The following MCTP1 variants were observed in gnomAD, a reference collection of about 807,000 sequenced individuals.
The protein encoded by MCTP1 is multiple C2 and transmembrane domain containing 1.
In MCTP1, 69 loss-of-function variants were observed where a neutral mutation model predicts 120.6. That is an observed-to-expected ratio of 0.57 (90% confidence interval 0.47 to 0.70). MCTP1 has a LOEUF of 0.70. Ranked by LOEUF, MCTP1 falls within the 30% of genes least tolerant of loss-of-function variation. MCTP1 has a pLI of 0.00. For missense variants in MCTP1, 1,203 were observed against 1,248.8 expected (o/e 0.96, Z 0.55); for synonymous variants, 529 against 493.1 (o/e 1.07, Z -0.96).
intron 5 of MCTP1, among the ~76,000 whole-genome samples, chr5:94,933,162 G>C (rs967232034): frequency 6.6e-6 from 1 of 151,568 alleles, no homozygotes; most frequent in African/African-American, 2.4e-5. Flanking sequence ...GATTTCCTAA[G>C]GTTACAATGA....
chr5:95,252,522 A>T (rs1371236228), intron 1 of MCTP1, among the ~76,000 whole-genome samples: 1 of 152,160 alleles, frequency 6.6e-6, no homozygotes, highest in African/African-American at 2.4e-5. Flanking sequence ...AAATGCTCTA[A>T]GAAAAGGGAA....
intron 10 of MCTP1, among the ~76,000 whole-genome samples, chr5:94,900,616 C>A (rs1441268997): frequency 1.3e-5 from 2 of 152,244 alleles, no homozygotes; most frequent in African/African-American, 4.8e-5. Context: ...GGAGATTCAG[C>A]CCCTTCTAAA....
At chr5:95,218,695 T>C (rs910776553) in intron 1 of MCTP1, among the ~76,000 whole-genome samples, 60 of 152,178 alleles carry the variant, frequency 3.9e-4, no homozygotes, top group African/African-American at 1.4e-3. Flanking sequence ...AGAAATGCAT[T>C]GTGGGTGATT....
Position 95,061,408 on chromosome 5 carries a change from GTT to G in MCTP1, c.721-43926_721-43925del, listed in dbSNP as rs556663513. Among the ~76,000 whole-genome samples the G allele has an allele frequency of 2.4e-4, 8 of 33,488 alleles. 1 individual carries two copies. Among genetic ancestry groups the G allele is most frequent in the African/African-American group, 6.9e-4 (7 of 10,190 alleles). 22.0% of individuals were successfully genotyped at this position (33,488 alleles called of 152,430 possible). A position where few individuals can be genotyped will look rare whatever the true frequency, so the allele number is the denominator to read the frequency against. On this transcript the variant is annotated intron_variant, in intron 1 of 22. Coordinates refer to ENST00000515393, the MANE Select transcript of MCTP1 (RefSeq NM_024717.7). ...ATCAATTTTCACAAACCCCTTAAGG[GTT>G]TTTTTTTTTTTTTTTTTTTTTTTTT...
rs114784364 is a variant in MCTP1, at chr5:94,942,470, A to G, written c.982-43T>C. ...AAAAGCCTTGTTATAAATATCTCCAATATAAGCTTTATGTGATAATGTCTT... is the reference window on the plus strand; with the variant it reads ...AAAAGCCTTGTTATAAATATCTCCAGTATAAGCTTTATGTGATAATGTCTT... On this transcript the variant is annotated intron_variant, in intron 3 of 22. Coordinates refer to ENST00000515393, the MANE Select transcript of MCTP1 (RefSeq NM_024717.7). 379 of 1,380,760 alleles carry G rather than the reference A, an allele frequency of 2.7e-4. 1 individual carries two copies. In the African/African-American group the frequency reaches 5.0e-3, roughly 18 times the overall value. The allele number at this position is 1,380,760 out of a possible 1,614,324, so 85.5% of individuals were successfully genotyped here.
chr5:95,200,219 G>GA, intron 1 of MCTP1, among the ~76,000 whole-genome samples: 1 of 151,530 alleles, frequency 6.6e-6, no homozygotes, highest in African/African-American at 2.4e-5. Context: ...AGGATGTGAA[G>GA]AAAAGGGAAC....
At chr5:95,147,324 G>T (rs1006452662) in intron 1 of MCTP1, among the ~76,000 whole-genome samples, 4 of 152,142 alleles carry the variant, frequency 2.6e-5, no homozygotes, top group Non-Finnish European at 5.9e-5. Flanking sequence ...CTGACCTCGT[G>T]ATCCACCTGC....
At chr5:94,718,464 C>T (rs951735877) in intron 19 of MCTP1, among the ~76,000 whole-genome samples, 3 of 152,120 alleles carry the variant, frequency 2.0e-5, no homozygotes, top group Admixed American at 1.3e-4. Flanking sequence ...ATGACAAAAA[C>T]TTCTAAAGCG....
chr5:94,809,610 G>A (rs114398468), intron 17 of MCTP1, among the ~76,000 whole-genome samples: 3,799 of 152,098 alleles, frequency 0.025, 171 homozygotes, highest in African/African-American at 0.088. Context: ...TAACAGCTTT[G>A]TAATTCACAG....
chr5:94,889,102 TAA>T, intron 11 of MCTP1, 130 bp from the exon 12 acceptor site: 1 of 564,722 alleles, frequency 1.8e-6, no homozygotes, highest in African/African-American at 1.9e-5. Context: ...TTAAACTAAC[TAA>T]TTTTTTTTTT....
chr5:95,023,185 G>A (rs542055558), intron 1 of MCTP1, among the ~76,000 whole-genome samples: 1 of 152,108 alleles, frequency 6.6e-6, no homozygotes, highest in Non-Finnish European at 1.5e-5. Context: ...ATAGAACCAG[G>A]CTCCAGTGAA....
At chr5:94,980,580 A>G (rs2153595234) in intron 2 of MCTP1, among the ~76,000 whole-genome samples, 1 of 152,266 alleles carries the variant, frequency 6.6e-6, no homozygotes, top group African/African-American at 2.4e-5. Flanking sequence ...ATGTTTAAAG[A>G]GCTAATCTTC....
At chr5:94,847,919 C>G (rs1171500673) in intron 17 of MCTP1, among the ~76,000 whole-genome samples, 2 of 152,002 alleles carry the variant, frequency 1.3e-5, no homozygotes, top group African/African-American at 4.8e-5. Context: ...TTCCACTCTT[C>G]TGTTTTCATC....
At chr5:94,736,024 T>C (rs1258659158) in intron 19 of MCTP1, among the ~76,000 whole-genome samples, 1 of 152,208 alleles carries the variant, frequency 6.6e-6, no homozygotes, top group Admixed American at 6.5e-5. Context: ...TGCTAACCAT[T>C]ATGTATGTCC....
At chr5:94,821,392 G>T (rs561609819) in intron 17 of MCTP1, among the ~76,000 whole-genome samples, 37 of 152,188 alleles carry the variant, frequency 2.4e-4, no homozygotes, top group African/African-American at 8.4e-4. Flanking sequence ...TCGACCTTCT[G>T]GGAAACACAG....
chr5:94,980,381 C>A (rs1829128868), intron 2 of MCTP1, among the ~76,000 whole-genome samples: 1 of 152,104 alleles, frequency 6.6e-6, no homozygotes, highest in East Asian at 1.9e-4. Flanking sequence ...TACAAAAATT[C>A]TAGTTACAAA....
chr5:94,878,892 G>A (rs1481691397), intron 12 of MCTP1, among the ~76,000 whole-genome samples: 1 of 152,022 alleles, frequency 6.6e-6, no homozygotes, highest in Non-Finnish European at 1.5e-5. Context: ...TAGAGGAGGG[G>A]CACTGCTTAT....
At chr5:94,707,684 G>A (rs1366398146) in intron 22 of MCTP1, 117 bp from the exon 23 acceptor site, 6 of 721,802 alleles carry the variant, frequency 8.3e-6, no homozygotes, top group Non-Finnish European at 1.2e-5. Flanking sequence ...TCTAGAAGCT[G>A]TATGGGATCT....
chr5:94,952,171 C>CAAAAAAAAAAAAAAAA lies in MCTP1; in HGVS notation c.981+1032_981+1047dup, dbSNP rs57358026. 2.4e-3 allele frequency among the ~76,000 whole-genome samples: 215 copies of CAAAAAAAAAAAAAAAA among 87,836 alleles called. 17 individuals carry two copies. The highest frequency in any genetic ancestry group is 2.8e-3 in the Non-Finnish European group (127 of 46,082). 57.6% of individuals were successfully genotyped at this position (87,836 alleles called of 152,430 possible). ...TGGGTGACAGAATGAGACTTTGTCG[C>CAAAAAAAAAAAAAAAA]AAAAAAAAAAAAAAAAAAAAAAGCT... On this transcript the variant is annotated intron_variant, in intron 3 of 22. Coordinates refer to ENST00000515393, the MANE Select transcript of MCTP1 (RefSeq NM_024717.7).
Sources: gnomAD v4.1 joint callset for allele counts (sites outside exome capture counted in the v4.1 genomes callset) on GRCh38, gnomAD v4.1.1 for gene constraint, MANE v1.5 for transcripts, NCBI Gene and HGNC (gene_info 2026-07-23, HGNC 2026-07-21) for gene names.